LHFPL6: variants seen among roughly 807,000 people sequenced by gnomAD.
LHFPL6 encodes the protein LHFPL tetraspan subfamily member 6 protein.
A neutral mutation model predicts 20.6 loss-of-function variants in LHFPL6; 9 were observed. The observed-to-expected ratio is 0.44, with a 90% CI of 0.26 to 0.76. LHFPL6 has a LOEUF of 0.76. Ranked by LOEUF, LHFPL6 falls within the 30% of genes least tolerant of loss-of-function variation. LHFPL6 has a pLI of 0.20. For synonymous variants in LHFPL6, 105 were observed against 98.7 expected, an observed-to-expected ratio of 1.06 and a Z score of -0.38; for missense variants, 218 against 253.5, an observed-to-expected ratio of 0.86 and a Z score of 0.95.
intron 2 of LHFPL6, among the ~76,000 whole-genome samples, chr13:39,539,187 AC>A (rs1870718966): frequency 6.6e-6 from 1 of 152,178 alleles, no homozygotes; most frequent in Non-Finnish European, 1.5e-5. Context: ...GCATGGCATT[AC>A]CTTAGCCTTT....
intron 2 of LHFPL6, among the ~76,000 whole-genome samples, chr13:39,599,706 T>G (rs745956028): frequency 3.3e-5 from 5 of 152,242 alleles, no homozygotes; most frequent in Non-Finnish European, 7.3e-5. Context: ...GCACAAGAAT[T>G]AAACTTTACT....
intron 2 of LHFPL6, among the ~76,000 whole-genome samples, chr13:39,585,396 C>T (rs1872417864): frequency 6.6e-6 from 1 of 152,166 alleles, no homozygotes; most frequent in African/African-American, 2.4e-5. Flanking sequence ...TTGTGTGTCA[C>T]GGCCTTCAAT....
At chr13:39,384,396 A>C (rs909458497) in intron 2 of LHFPL6, among the ~76,000 whole-genome samples, 3 of 152,232 alleles carry the variant, frequency 2.0e-5, no homozygotes, top group Non-Finnish European at 2.9e-5. Flanking sequence ...GACTGAAGTC[A>C]ACTAGTATTT....
intron 3 of LHFPL6, among the ~76,000 whole-genome samples, chr13:39,362,358 T>C (rs1242468507): frequency 1.3e-5 from 2 of 152,234 alleles, no homozygotes; most frequent in Admixed American, 1.3e-4. Context: ...GTAAGTTTCC[T>C]GAGGCCTCCC....
intron 2 of LHFPL6, among the ~76,000 whole-genome samples, chr13:39,425,264 T>C (rs956007063): frequency 2.0e-5 from 3 of 152,240 alleles, no homozygotes; most frequent in African/African-American, 7.2e-5. Context: ...TTCATCTTTA[T>C]TGTAACAGTC....
At chr13:39,362,464 T>C (rs1869898360) in intron 3 of LHFPL6, among the ~76,000 whole-genome samples, 1 of 152,216 alleles carries the variant, frequency 6.6e-6, no homozygotes, top group South Asian at 2.1e-4. Context: ...TATAGCAGTG[T>C]GAGAACGGAC....
intron 2 of LHFPL6, among the ~76,000 whole-genome samples, chr13:39,397,279 C>T (rs1024436853): frequency 2.6e-5 from 4 of 152,152 alleles, no homozygotes; most frequent in Admixed American, 6.5e-5. Context: ...TCTCCAAGCA[C>T]AACATCACGG....
intron 2 of LHFPL6, among the ~76,000 whole-genome samples, chr13:39,512,611 A>AAAAAAAG (rs1555265750): frequency 1.3e-5 from 2 of 150,574 alleles, no homozygotes; most frequent in African/African-American, 4.9e-5. Flanking sequence ...CAAAAAAAAA[A>AAAAAAAG]AAAAGAAAAG....
chr13:39,343,900 C>T lies in LHFPL6; in HGVS notation c.*36G>A, dbSNP rs1869319791. ...TTTGACCTCTCCAAGCCCCTTTGGC[C>T]CATCTTCTCCTCTGTCTGCTCTTGG... On this transcript the variant is annotated 3_prime_UTR_variant, in exon 4 of 4. Coordinates refer to ENST00000379589, the MANE Select transcript of LHFPL6 (RefSeq NM_005780.3). The T allele has an allele frequency of 1.3e-6, 2 of 1,557,202 alleles. No individual in the cohort carries two copies. Among genetic ancestry groups the T allele is most frequent in the Non-Finnish European group, 1.8e-6 (2 of 1,130,426 alleles).
At chr13:39,487,718 T>G (rs1214301562) in intron 2 of LHFPL6, among the ~76,000 whole-genome samples, 1 of 152,148 alleles carries the variant, frequency 6.6e-6, no homozygotes, top group Admixed American at 6.5e-5. Flanking sequence ...AAAAGAAATA[T>G]GTTCTCTAGG....
chr13:39,578,192 T>G (rs1173552943), intron 2 of LHFPL6, among the ~76,000 whole-genome samples: 1 of 152,132 alleles, frequency 6.6e-6, no homozygotes, highest in Non-Finnish European at 1.5e-5. Context: ...ACCAAGTTAG[T>G]TGTTATCTAA....
chr13:39,540,280 TAG>T (rs1870757393), intron 2 of LHFPL6, among the ~76,000 whole-genome samples: 2 of 152,258 alleles, frequency 1.3e-5, no homozygotes, highest in South Asian at 2.1e-4. Flanking sequence ...AATACCATAT[TAG>T]AGTCTTCTAA....
chr13:39,397,062 T>C (rs1021016262), intron 2 of LHFPL6, among the ~76,000 whole-genome samples: 2 of 152,174 alleles, frequency 1.3e-5, no homozygotes, highest in Non-Finnish European at 2.9e-5. Context: ...GGTCCTTCCT[T>C]ATACCAGCCC....
At chr13:39,555,003 T>G (rs1015813550) in intron 2 of LHFPL6, among the ~76,000 whole-genome samples, 2 of 152,218 alleles carry the variant, frequency 1.3e-5, no homozygotes, top group Non-Finnish European at 2.9e-5. Context: ...AATTTTCTTT[T>G]CTAGCCAGAA....
chr13:39,550,477 T>C (rs1043299996), intron 2 of LHFPL6, among the ~76,000 whole-genome samples: 4 of 152,186 alleles, frequency 2.6e-5, no homozygotes, highest in African/African-American at 4.8e-5. Context: ...TTTTGCTTTA[T>C]GGTTTTAATT....
intron 2 of LHFPL6, among the ~76,000 whole-genome samples, chr13:39,463,429 T>C (rs905938279): frequency 1.3e-5 from 2 of 152,188 alleles, no homozygotes; most frequent in Non-Finnish European, 2.9e-5. Context: ...TCAGTGGTAG[T>C]CTTAGAAGAA....
intron 2 of LHFPL6, among the ~76,000 whole-genome samples, chr13:39,599,639 T>G (rs571618092): frequency 2.6e-5 from 4 of 152,364 alleles, no homozygotes; most frequent in African/African-American, 9.6e-5. Context: ...TATCTCACTT[T>G]AAAACAAAAC....
At chr13:39,394,146 C>T (rs866690132) in intron 2 of LHFPL6, among the ~76,000 whole-genome samples, 10 of 152,110 alleles carry the variant, frequency 6.6e-5, no homozygotes, top group Admixed American at 4.6e-4. Flanking sequence ...TGCTAAGTTG[C>T]CCAGGCTGGT....
intron 2 of LHFPL6, among the ~76,000 whole-genome samples, chr13:39,429,350 T>A (rs1451560447): frequency 6.6e-6 from 1 of 152,188 alleles, no homozygotes; most frequent in South Asian, 2.1e-4. Context: ...GGTATCCTGA[T>A]GAATTGACCC....
Sources: gnomAD v4.1 joint callset for allele counts (sites outside exome capture counted in the v4.1 genomes callset) on GRCh38, gnomAD v4.1.1 for gene constraint, MANE v1.5 for transcripts, NCBI Gene and HGNC (gene_info 2026-07-23, HGNC 2026-07-21) for gene names.